The following MACROD2 variants were observed in gnomAD, a reference collection of about 807,000 sequenced individuals.
MACROD2 encodes mono-ADP ribosylhydrolase 2, also known as ADP-ribose glycohydrolase MACROD2.
A neutral mutation model predicts 70.4 loss-of-function variants in MACROD2; 36 were observed. That is an observed-to-expected ratio of 0.51 (90% CI 0.39 to 0.68). The LOEUF (loss-of-function observed/expected upper bound fraction) is 0.68, where lower values mean the gene tolerates loss of function less well. MACROD2 is among the 30% of genes least tolerant of loss of function. MACROD2 has a pLI of 0.00. For missense variants in MACROD2, 496 were observed against 538.4 expected, an observed-to-expected ratio of 0.92 and a Z score of 0.78; for synonymous variants, 172 against 178.8, an observed-to-expected ratio of 0.96 and a Z score of 0.30.
intron 3 of MACROD2, among the ~76,000 whole-genome samples, chr20:14,264,174 C>A (rs956072190): frequency 2.0e-3 from 2 of 1,006 alleles, no homozygotes; most frequent in Non-Finnish European, 2.8e-3. Context: ...CAAGAAGTTG[C>A]TATAGCACCA....
chr20:14,660,177 C>T (rs549176936), intron 4 of MACROD2, among the ~76,000 whole-genome samples: 1 of 152,288 alleles, frequency 6.6e-6, no homozygotes, highest in East Asian at 1.9e-4. Flanking sequence ...GTGAGTTTGC[C>T]ACATTTAGAT....
At chr20:14,327,454 A>G (rs2082755400) in intron 3 of MACROD2, 1 of 1,613,340 alleles carries the variant, frequency 6.2e-7, no homozygotes, top group Admixed American at 1.7e-5. Context: ...TACTTGAAGG[A>G]ACAGCCCAAT....
intron 3 of MACROD2, among the ~76,000 whole-genome samples, chr20:14,170,397 G>A (rs2081210175): frequency 6.6e-6 from 1 of 152,308 alleles, no homozygotes. Context: ...TATAGGTGAT[G>A]AGAGTGGGCA....
intron 4 of MACROD2, among the ~76,000 whole-genome samples, chr20:14,520,206 A>G (rs1444359637): frequency 6.6e-6 from 1 of 152,156 alleles, no homozygotes; most frequent in Non-Finnish European, 1.5e-5. Flanking sequence ...GTACCCCTAC[A>G]CCTAAAGTAA....
chr20:14,904,473 A>G (rs938171145), intron 5 of MACROD2, among the ~76,000 whole-genome samples: 14 of 152,260 alleles, frequency 9.2e-5, no homozygotes, highest in African/African-American at 3.4e-4. Context: ...AGGTGGGTAC[A>G]TATATGCATT....
intron 8 of MACROD2, among the ~76,000 whole-genome samples, chr20:15,647,481 A>T (rs2049566039): frequency 6.6e-6 from 1 of 152,244 alleles, no homozygotes; most frequent in African/African-American, 2.4e-5. Context: ...ATTAGGATGC[A>T]CAAAATGATC....
At chr20:16,032,806 G>A (rs1025946019) in intron 15 of MACROD2, among the ~76,000 whole-genome samples, 2 of 146,960 alleles carry the variant, frequency 1.4e-5, no homozygotes, top group Admixed American at 1.4e-4. Context: ...GAGGGAGGGA[G>A]GGAAGGGGAG....
chr20:14,707,438 T>C (rs2071282706), intron 5 of MACROD2, among the ~76,000 whole-genome samples: 1 of 152,218 alleles, frequency 6.6e-6, no homozygotes, highest in African/African-American at 2.4e-5. Flanking sequence ...GCGAGGTCTG[T>C]GTTTCCATAA....
At chr20:14,508,115 T>A (rs412345) in intron 4 of MACROD2, among the ~76,000 whole-genome samples, 5 of 151,952 alleles carry the variant, frequency 3.3e-5, no homozygotes, top group African/African-American at 4.8e-5. Flanking sequence ...AGGGCTGGAT[T>A]CATCTTCAGA....
chr20:15,230,203 C>T (rs2076947892), intron 6 of MACROD2, 142 bp downstream of exon 6: 1 of 689,700 alleles, frequency 1.4e-6, no homozygotes, highest in Non-Finnish European at 2.2e-6. Context: ...ATTTGGTTAT[C>T]ATGACTCTAA....
At chr20:14,004,583 T>A (rs1691734728) in intron 2 of MACROD2, among the ~76,000 whole-genome samples, 1 of 152,178 alleles carries the variant, frequency 6.6e-6, no homozygotes, top group African/African-American at 2.4e-5. Context: ...TCATATGACT[T>A]TTTCTTGTGT....
chr20:15,157,436 T>G (rs1014623065), intron 5 of MACROD2, among the ~76,000 whole-genome samples: 7 of 134,368 alleles, frequency 5.2e-5, no homozygotes, highest in African/African-American at 2.0e-4. Context: ...ACATATGAAT[T>G]TAGGGAAGAC....
intron 5 of MACROD2, among the ~76,000 whole-genome samples, chr20:14,960,726 C>T (rs2074575717): frequency 6.6e-6 from 1 of 152,084 alleles, no homozygotes; most frequent in Admixed American, 6.5e-5. Flanking sequence ...GGGTAGAATT[C>T]CACATCAAAT....
At chr20:15,969,970 A>G (rs2066205199) in intron 13 of MACROD2, among the ~76,000 whole-genome samples, 1 of 151,620 alleles carries the variant, frequency 6.6e-6, no homozygotes, top group African/African-American at 2.4e-5. Context: ...AACATGACCC[A>G]TCATAGTAAA....
At chr20:14,320,304 C>T (rs1002726338) in intron 3 of MACROD2, among the ~76,000 whole-genome samples, 30 of 152,010 alleles carry the variant, frequency 2.0e-4, no homozygotes, top group African/African-American at 7.0e-4. Context: ...TTTTTGACCC[C>T]ATTCCACTGG....
At chr20:14,139,463 C>T (rs2054841227) in intron 3 of MACROD2, among the ~76,000 whole-genome samples, 1 of 152,182 alleles carries the variant, frequency 6.6e-6, no homozygotes, top group Non-Finnish European at 1.5e-5. Flanking sequence ...ATAGAGAAAA[C>T]TGGTTTTACT....
At chr20:14,455,969 A>C (rs1298554661) in intron 3 of MACROD2, among the ~76,000 whole-genome samples, 1 of 151,812 alleles carries the variant, frequency 6.6e-6, no homozygotes, top group African/African-American at 2.4e-5. Flanking sequence ...TGGCTTAAAC[A>C]ATCAATTACT....
chr20:15,540,811 T>TA (rs1345986430), intron 8 of MACROD2, among the ~76,000 whole-genome samples: 2 of 152,178 alleles, frequency 1.3e-5, no homozygotes, highest in Non-Finnish European at 2.9e-5. Context: ...GTCTTTCATA[T>TA]CCCTTCGTTC....
At chr20:15,454,180 G>C (rs991216137) in intron 7 of MACROD2, among the ~76,000 whole-genome samples, 1 of 152,046 alleles carries the variant, frequency 6.6e-6, no homozygotes, top group African/African-American at 2.4e-5. Context: ...AATCATTTTT[G>C]TGTGCTTTAA....
Sources: allele counts gnomAD v4.1 joint callset (sites outside exome capture counted in the v4.1 genomes callset), GRCh38; gene constraint gnomAD v4.1.1; transcripts MANE v1.5; gene names NCBI Gene and HGNC (gene_info 2026-07-23, HGNC 2026-07-21).